ACSM3: variants seen among roughly 807,000 people sequenced by gnomAD.
The protein encoded by ACSM3 is acyl-CoA synthetase medium chain family member 3, also known as acyl-coenzyme A synthetase ACSM3, mitochondrial.
A neutral mutation model predicts 74.1 loss-of-function variants in ACSM3; 61 were observed. The observed-to-expected ratio is 0.82, with a 90% CI of 0.67 to 1.02. ACSM3 has a LOEUF of 1.02. Ranked by LOEUF, ACSM3 falls within the 50% of genes least tolerant of loss-of-function variation. The pLI, the probability that ACSM3 is intolerant of heterozygous loss-of-function variation, is 0.00. For synonymous variants in ACSM3, 213 were observed against 241.5 expected (o/e 0.88, Z 1.09); for missense variants, 660 against 697.0 (o/e 0.95, Z 0.60).
At chr16:20,730,168 T>C (rs1242589086) in intron 1 of ACSM3, among the ~76,000 whole-genome samples, 1 of 152,116 alleles carries the variant, frequency 6.6e-6, no homozygotes, top group South Asian at 2.1e-4. Flanking sequence ...CCAGAGAGGA[T>C]AGGGTAATAC....
At chr16:20,725,068 T>C (rs904588208) in intron 1 of ACSM3, among the ~76,000 whole-genome samples, 4 of 152,104 alleles carry the variant, frequency 2.6e-5, no homozygotes, top group East Asian at 1.9e-4. Flanking sequence ...GAGCCCGCAT[T>C]GCCAAGTCAA....
chr16:20,701,406 T>C (rs1368107453), intron 1 of ACSM3, among the ~76,000 whole-genome samples: 1 of 152,142 alleles, frequency 6.6e-6, no homozygotes, highest in Non-Finnish European at 1.5e-5. Context: ...GAAGGAGTGA[T>C]TTGAAATAAT....
intron 1 of ACSM3, chr16:20,741,898 T>G (rs1219622342): frequency 1.3e-6 from 2 of 1,534,504 alleles, no homozygotes; most frequent in East Asian, 4.9e-5. Context: ...AAGGCCGGTC[T>G]GCAATCGTGA....
At chr16:20,791,927 GAAAAA>G in intron 10 of ACSM3, 70 bp from the exon 11 acceptor site, 1 of 1,290,188 alleles carries the variant, frequency 7.8e-7, no homozygotes. Flanking sequence ...GACTGTCTCG[GAAAAA>G]AAAAAAAAAA....
At chr16:20,729,219 T>C in intron 1 of ACSM3, 2 of 819,946 alleles carry the variant, frequency 2.4e-6, no homozygotes, top group East Asian at 2.5e-5. Context: ...AATGTCATCT[T>C]TGATTCCTAG....
intron 1 of ACSM3, chr16:20,741,638 G>A (rs773773329): frequency 5.1e-6 from 8 of 1,581,328 alleles, no homozygotes; most frequent in African/African-American, 2.7e-5. Context: ...GACGGGGCCC[G>A]CCAGCGTCGC....
chr16:20,762,748 A>G (rs1435221315), upstream of ACSM3, among the ~76,000 whole-genome samples: 1 of 152,236 alleles, frequency 6.6e-6, no homozygotes, highest in Non-Finnish European at 1.5e-5. Flanking sequence ...TCAGAAAAAA[A>G]TAGAAATAGA....
intron 1 of ACSM3, among the ~76,000 whole-genome samples, chr16:20,723,153 G>A (rs139060320): frequency 0.06 from 9,101 of 152,026 alleles, 931 homozygotes; most frequent in African/African-American, 0.21. Context: ...TTGTCCTTGC[G>A]ATAGTTTGCT....
rs938707246 is a variant in ACSM3, at chr16:20,784,859, G to T, written c.1020-125G>T. On this transcript the variant is annotated intron_variant, in intron 7 of 13. Transcript: ENST00000289416. Reference sequence around the variant, plus strand: ...TTTATGGGGTAAAATGGTTTGTTTTGTGCTAGGGAGAGGAATTAAAAAGCG... The same window carrying T: ...TTTATGGGGTAAAATGGTTTGTTTTTTGCTAGGGAGAGGAATTAAAAAGCG... The T allele has an allele frequency of 1.1e-5, 11 of 1,010,578 alleles. No individual in the cohort carries two copies. In the East Asian group the frequency reaches 3.1e-4, roughly 28 times the overall value. 62.6% of individuals were successfully genotyped at this position (1,010,578 alleles called of 1,614,324 possible). A position where few individuals can be genotyped will look rare whatever the true frequency, so the allele number is the denominator to read the frequency against.
At chr16:20,784,862 C>T in intron 7 of ACSM3, 122 bp from the exon 8 acceptor site, 1 of 1,042,520 alleles carries the variant, frequency 9.6e-7, no homozygotes, top group Non-Finnish European at 1.3e-6. Context: ...TTGTTTTGTG[C>T]TAGGGAGAGG....
At chr16:20,729,522 T>C in intron 1 of ACSM3, 1 of 591,608 alleles carries the variant, frequency 1.7e-6, no homozygotes, top group East Asian at 3.0e-5. Flanking sequence ...AAATCAGCTG[T>C]TGTCAGTAGT....
chr16:20,772,255 G>A (rs992487558), intron 2 of ACSM3, among the ~76,000 whole-genome samples: 2 of 151,788 alleles, frequency 1.3e-5, no homozygotes, highest in Non-Finnish European at 2.9e-5. Flanking sequence ...GCTTTGTATA[G>A]TCCCATTTGT....
At chr16:20,718,282 C>A (rs1035263617) in intron 1 of ACSM3, 28 of 384,978 alleles carry the variant, frequency 7.3e-5, no homozygotes, top group Non-Finnish European at 1.2e-4. Flanking sequence ...AGTAGCTGAG[C>A]AGAAGAAATA....
At chr16:20,781,553 A>G (rs1225568060) in intron 6 of ACSM3, among the ~76,000 whole-genome samples, 155 bp from the exon 7 acceptor site, 4 of 152,228 alleles carry the variant, frequency 2.6e-5, no homozygotes, top group Non-Finnish European at 5.9e-5. Flanking sequence ...CCTGGAACCA[A>G]TCCTGCAGAC....
chr16:20,694,199 G>T (rs184551027), intron 1 of ACSM3, among the ~76,000 whole-genome samples: 1 of 152,278 alleles, frequency 6.6e-6, no homozygotes, highest in African/African-American at 2.4e-5. Context: ...TAGCCAATCG[G>T]GACAAATACA....
intron 2 of ACSM3, among the ~76,000 whole-genome samples, chr16:20,753,192 G>A (rs2152435187): frequency 6.6e-6 from 1 of 151,790 alleles, no homozygotes; most frequent in South Asian, 2.1e-4. Context: ...TGGCTGGGTG[G>A]GGTGGCTCAT....
At chr16:20,730,365 C>A (rs887794888) in intron 1 of ACSM3, among the ~76,000 whole-genome samples, 1 of 152,174 alleles carries the variant, frequency 6.6e-6, no homozygotes, top group African/African-American at 2.4e-5. Flanking sequence ...GTCTCATGAG[C>A]CTGTTTAGGA....
At chr16:20,690,192 T>G (rs1365024643) in intron 1 of ACSM3, among the ~76,000 whole-genome samples, 1 of 152,162 alleles carries the variant, frequency 6.6e-6, no homozygotes, top group African/African-American at 2.4e-5. Flanking sequence ...ACTTAAAAAT[T>G]ATATTAACTC....
chr16:20,714,652 C>T (rs955427741), intron 1 of ACSM3, among the ~76,000 whole-genome samples: 1 of 151,994 alleles, frequency 6.6e-6, no homozygotes, highest in African/African-American at 2.4e-5. Context: ...GGTTGATCTG[C>T]TTTTTGACTT....
Sources: gnomAD v4.1 joint callset for allele counts (sites outside exome capture counted in the v4.1 genomes callset) on GRCh38, gnomAD v4.1.1 for gene constraint, MANE v1.5 for transcripts, NCBI Gene and HGNC (gene_info 2026-07-23, HGNC 2026-07-21) for gene names.